The following OLFML2A variants were observed in gnomAD, a reference collection of about 807,000 sequenced individuals.
The protein encoded by OLFML2A is olfactomedin-like protein 2A.
OLFML2A carries 47 observed loss-of-function variants against 60.9 expected under a neutral mutation model. The ratio of observed to expected loss-of-function variants is 0.77; its 90% CI spans 0.61 to 0.98. OLFML2A has a LOEUF of 0.98. OLFML2A is among the 50% of genes least tolerant of loss of function. The pLI is 0.00. For missense variants in OLFML2A, 922 were observed against 879.8 expected (o/e 1.05, Z -0.61); for synonymous variants, 372 against 375.0 (o/e 0.99, Z 0.09).
At chr9:124,781,140 C>T (rs1283479366) in intron 1 of OLFML2A, among the ~76,000 whole-genome samples, 1 of 152,184 alleles carries the variant, frequency 6.6e-6, no homozygotes, top group East Asian at 1.9e-4. Context: ...ATTCATCAAA[C>T]ACAGGAAGCT....
chr9:124,799,997 A>G (rs912835253), intron 4 of OLFML2A, among the ~76,000 whole-genome samples: 1 of 152,202 alleles, frequency 6.6e-6, no homozygotes, highest in Non-Finnish European at 1.5e-5. Flanking sequence ...TCGACCTCCA[A>G]GCTCAGAGCA....
Position 124,801,472 on chromosome 9 carries a change from T to C in OLFML2A, c.728T>C (p.Phe243Ser), listed in dbSNP as rs1841772886. Reference sequence around the variant, plus strand: ...AAGTATGGCAGTGTGCAGAAAAGCTTTGCAGACAGAGGCCTCCCAAAACCT... The same window carrying C: ...AAGTATGGCAGTGTGCAGAAAAGCTCTGCAGACAGAGGCCTCCCAAAACCT... ...ISKYGSVQKS[F>S]ADRGLPKPPK... The change falls in exon 5 of 8, where the codon TTT becomes TCT. Residue 243 changes from phenylalanine to serine, a missense_variant. Coordinates refer to ENST00000373580, the MANE Select transcript of OLFML2A (RefSeq NM_182487.4). 2 of 1,613,974 alleles carry C rather than the reference T, an allele frequency of 1.2e-6. No homozygotes were observed. The highest frequency in any genetic ancestry group is 1.1e-5 in the South Asian group (1 of 91,082).
chr9:124,797,942 C>G (rs563627363), intron 3 of OLFML2A, among the ~76,000 whole-genome samples: 9 of 152,240 alleles, frequency 5.9e-5, no homozygotes, highest in Admixed American at 2.0e-4. Context: ...AGGCAAGGAG[C>G]CAGAGCCCCA....
At chr9:124,784,518 AGT>A (rs895970709) in intron 1 of OLFML2A, among the ~76,000 whole-genome samples, 2 of 152,208 alleles carry the variant, frequency 1.3e-5, no homozygotes, top group African/African-American at 4.8e-5. Context: ...ATTATTTAAA[AGT>A]GTAATGCATG....
At chr9:124,787,902 C>T (rs1306399451) in intron 2 of OLFML2A, among the ~76,000 whole-genome samples, 2 of 151,908 alleles carry the variant, frequency 1.3e-5, no homozygotes, top group Non-Finnish European at 2.9e-5. Flanking sequence ...AGGATCATTT[C>T]CTCATTTTAG....
intron 2 of OLFML2A, among the ~76,000 whole-genome samples, chr9:124,791,588 A>G (rs1021945362): frequency 6.6e-6 from 1 of 152,050 alleles, no homozygotes. Context: ...AATACAAAAA[A>G]TTAGCCAAGT....
chr9:124,782,172 A>G (rs531739993), intron 1 of OLFML2A, among the ~76,000 whole-genome samples: 10 of 152,300 alleles, frequency 6.6e-5, no homozygotes, highest in South Asian at 6.2e-4. Context: ...TCCCAGCCCA[A>G]TTGCTCAGGG....
intron 3 of OLFML2A, among the ~76,000 whole-genome samples, chr9:124,798,532 C>A (rs1247847955): frequency 6.6e-6 from 1 of 151,270 alleles, no homozygotes. Context: ...AAAAAAGTAA[C>A]CATCAAAAAG....
At chr9:124,786,921 C>A (rs113342805) in intron 1 of OLFML2A, 54 bp from the exon 2 acceptor site, 2 of 1,559,800 alleles carry the variant, frequency 1.3e-6, no homozygotes, top group Non-Finnish European at 8.7e-7. Context: ...TTCCTCCCTG[C>A]CATAGCACTG....
chr9:124,808,257 A>G (rs1229718402), intron 7 of OLFML2A, among the ~76,000 whole-genome samples: 22 of 152,244 alleles, frequency 1.4e-4, no homozygotes, highest in Admixed American at 1.4e-3. Flanking sequence ...TCAAGGGGCC[A>G]ATACTGAGTT....
chr9:124,793,452 T>C (rs1431937557), intron 2 of OLFML2A, among the ~76,000 whole-genome samples: 2 of 152,210 alleles, frequency 1.3e-5, no homozygotes, highest in Non-Finnish European at 2.9e-5. Context: ...TTTCCCCGTC[T>C]GACCATGACA....
At chr9:124,781,627 C>T (rs1050559825) in intron 1 of OLFML2A, among the ~76,000 whole-genome samples, 3 of 152,092 alleles carry the variant, frequency 2.0e-5, no homozygotes, top group African/African-American at 7.2e-5. Flanking sequence ...AATGCCATCT[C>T]TACTAAAAAT....
intron 2 of OLFML2A, among the ~76,000 whole-genome samples, chr9:124,793,489 G>C (rs1841605781): frequency 6.6e-6 from 1 of 152,234 alleles, no homozygotes; most frequent in Admixed American, 6.5e-5. Context: ...TGATAGGAAA[G>C]AGACGGTGAT....
chr9:124,777,613 G>A lies in OLFML2A; in HGVS notation c.90+253G>A, dbSNP rs986087551. On this transcript the variant is annotated intron_variant, in intron 1 of 7. Coordinates refer to ENST00000373580, the MANE Select transcript of OLFML2A (RefSeq NM_182487.4). This position sits in a 1 kb window ranked among gnomAD's most constrained non-coding sequence, Gnocchi z 6.2. ...CCTGAGGAAGGGGCGCTGGGACCGGGTCCGATTCCCGGAGGGGTCGGGGGA... is the reference window on the plus strand; with the variant it reads ...CCTGAGGAAGGGGCGCTGGGACCGGATCCGATTCCCGGAGGGGTCGGGGGA... 6.6e-6 allele frequency among the ~76,000 whole-genome samples: 1 copy of A among 152,174 alleles called. No homozygotes were observed. The highest frequency in any genetic ancestry group is 1.5e-5 in the Non-Finnish European group (1 of 68,008).
intron 7 of OLFML2A, among the ~76,000 whole-genome samples, chr9:124,809,415 G>C (rs1841958667): frequency 6.6e-6 from 1 of 152,026 alleles, no homozygotes; most frequent in Admixed American, 6.6e-5. Context: ...CCTAGAGGAG[G>C]TGACATTGGC....
chr9:124,797,755 T>C (rs1841694572), intron 3 of OLFML2A, among the ~76,000 whole-genome samples: 1 of 152,178 alleles, frequency 6.6e-6, no homozygotes, highest in Non-Finnish European at 1.5e-5. Flanking sequence ...CCCCCCAGGT[T>C]TCCAAGTCCT....
At position 124,810,163 on chromosome 9, in the gene OLFML2A, G is replaced by A. The variant is rs1841980454; in HGVS notation, c.1710G>A (p.Leu570=). 6.2e-7 allele frequency: 1 copy of A among 1,613,960 alleles called. No individual in the cohort carries two copies. The highest frequency in any genetic ancestry group is 1.1e-5 in the South Asian group (1 of 91,084). The change falls in exon 8 of 8, where the codon CTG becomes CTA. Residue 570 remains leucine, a synonymous_variant. Transcript: ENST00000373580. ...VHRETTWKTR[L]RRNSYGNCFL... is the part of the protein sequence containing the mutation. The stretch of plus-strand genomic sequence containing the variant: ...GGGAGACCACGTGGAAGACACGGCT[G>A]CGGCGGAACTCCTACGGGAACTGCT...
intron 1 of OLFML2A, among the ~76,000 whole-genome samples, chr9:124,782,510 A>G (rs1841379888): frequency 6.6e-6 from 1 of 152,116 alleles, no homozygotes; most frequent in Non-Finnish European, 1.5e-5. Flanking sequence ...GATTCTTCCC[A>G]TTTTACAGAG....
rs116482039 is a variant in OLFML2A at position 124,781,516 on chromosome 9, G to A, written c.90+4156G>A. Among the ~76,000 whole-genome samples, 1,337 of 152,262 alleles carry A rather than the reference G, an allele frequency of 8.8e-3. 27 individuals carry two copies. The highest frequency in any genetic ancestry group is 0.029 in the African/African-American group (1,191 of 41,540). ...AACTTCAAGATGACACAAGTTGGGC[G>A]GGCGTGGTGGCTCACACCTGTAATC... On this transcript the variant is annotated intron_variant, in intron 1 of 7. Coordinates refer to ENST00000373580, the MANE Select transcript of OLFML2A (RefSeq NM_182487.4).
Sources: allele counts gnomAD v4.1 joint callset (sites outside exome capture counted in the v4.1 genomes callset), GRCh38; gene constraint gnomAD v4.1.1; non-coding constraint Gnocchi (gnomAD v3.1); transcripts MANE v1.5; gene names NCBI Gene and HGNC (gene_info 2026-07-23, HGNC 2026-07-21).